TMEM163: variants seen among roughly 807,000 people sequenced by gnomAD.
TMEM163 encodes the protein transmembrane protein 163.
Under a neutral mutation model 29.3 loss-of-function variants are expected in TMEM163, and 17 were observed. The ratio of observed to expected loss-of-function variants is 0.58; its 90% CI spans 0.40 to 0.87. The LOEUF (loss-of-function observed/expected upper bound fraction) is 0.87. TMEM163 is among the 40% of genes least tolerant of loss of function. TMEM163 has a pLI of 0.00. For synonymous variants in TMEM163, 157 were observed against 160.6 expected, an observed-to-expected ratio of 0.98 and a Z score of 0.17; for missense variants, 303 against 381.5, an observed-to-expected ratio of 0.79 and a Z score of 1.71.
rs535291901 is a variant in TMEM163 at position 134,594,513 on chromosome 2, C to T, written c.323-42422G>A. Among the ~76,000 whole-genome samples the T allele has an allele frequency of 1.9e-4, 29 of 152,258 alleles. No homozygotes were observed. In the South Asian group the frequency reaches 6.0e-3, roughly 32 times the overall value. ...ACAGGAGCTAGCTATTTATATGCTG[C>T]CTGTCACTGTGCCCTCTCACACACA... On this transcript the variant is annotated intron_variant, in intron 2 of 7. Coordinates refer to ENST00000281924, the MANE Select transcript of TMEM163 (RefSeq NM_030923.5).
At chr2:134,561,275 C>T (rs1681175128) in intron 2 of TMEM163, among the ~76,000 whole-genome samples, 1 of 152,232 alleles carries the variant, frequency 6.6e-6, no homozygotes, top group Admixed American at 6.5e-5. Flanking sequence ...GCCATCTTGG[C>T]TCACTGCAAG....
rs184818221 is a variant in TMEM163 at position 134,503,355 on chromosome 2, C to T, written c.459-358G>A. On this transcript the variant is annotated intron_variant, in intron 4 of 7. Transcript: ENST00000281924. ...AACGGGAAGGCACATGGTTTAACAG[C>T]AGAATGGAGGCTCTGGCATGAGACA... Among the ~76,000 whole-genome samples, 4 of 152,376 alleles carry T rather than the reference C, an allele frequency of 2.6e-5. No homozygotes were observed. The East Asian group carries it at 7.7e-4, about 29-fold the overall frequency.
intron 5 of TMEM163, among the ~76,000 whole-genome samples, chr2:134,472,738 A>G (rs549463403): frequency 1.3e-5 from 2 of 152,340 alleles, no homozygotes; most frequent in South Asian, 4.1e-4. Context: ...AACATGATCA[A>G]CCAGCTTTGC....
chr2:134,659,041 G>A (rs1225127172), intron 2 of TMEM163, among the ~76,000 whole-genome samples: 1 of 152,194 alleles, frequency 6.6e-6, no homozygotes, highest in Non-Finnish European at 1.5e-5. Context: ...TACTTACACA[G>A]ACCTAGATGG....
At chr2:134,555,272 C>G (rs1194510122) in intron 2 of TMEM163, among the ~76,000 whole-genome samples, 1 of 152,196 alleles carries the variant, frequency 6.6e-6, no homozygotes, top group African/African-American at 2.4e-5. Context: ...ACCCCACCCC[C>G]CAACTTCCAT....
At chr2:134,661,330 C>G (rs1683745650) in intron 2 of TMEM163, among the ~76,000 whole-genome samples, 1 of 152,214 alleles carries the variant, frequency 6.6e-6, no homozygotes, top group Non-Finnish European at 1.5e-5. Flanking sequence ...ATAAGTTACC[C>G]AGTCTCAAGT....
At chr2:134,643,826 C>G (rs989578285) in intron 2 of TMEM163, among the ~76,000 whole-genome samples, 2 of 151,680 alleles carry the variant, frequency 1.3e-5, no homozygotes, top group African/African-American at 4.8e-5. Flanking sequence ...ATAAAACTGT[C>G]CTTATTTGCA....
intron 2 of TMEM163, among the ~76,000 whole-genome samples, chr2:134,675,239 A>T (rs1361463005): frequency 6.6e-6 from 1 of 152,252 alleles, no homozygotes; most frequent in Non-Finnish European, 1.5e-5. Context: ...GAAGGAAAAA[A>T]TACACACCAA....
At chr2:134,552,391 G>GTTCC in intron 2 of TMEM163, among the ~76,000 whole-genome samples, 3 of 152,078 alleles carry the variant, frequency 2.0e-5, no homozygotes, top group Admixed American at 1.3e-4. Flanking sequence ...TGAGAATTTA[G>GTTCC]CAACTGGGAA....
Position 134,552,053 on chromosome 2 carries a change from A to T in TMEM163, c.361T>A (p.Phe121Ile). Residue 121 changes from phenylalanine (F) to isoleucine (I), a missense_variant, in exon 3 of 8, where the codon TTT (phenylalanine) becomes ATT (isoleucine). Physicochemically the swap from Phe to Ile is conservative, Grantham distance 21 (BLOSUM62 0). Coordinates refer to ENST00000281924, the MANE Select transcript of TMEM163 (RefSeq NM_030923.5). ...VMRYSASAFG[F>I]AFDAILDVLS... ...GTACATTTCAGGTTACTTACTGCAA[A>T]CCCAAAAGCAGAGGCGCTGTACCTC... 1 of 1,613,434 alleles carries T rather than the reference A, an allele frequency of 6.2e-7. No individual in the cohort carries two copies. Among genetic ancestry groups the T allele is most frequent in the Non-Finnish European group, 8.5e-7 (1 of 1,179,762 alleles).
intron 2 of TMEM163, among the ~76,000 whole-genome samples, chr2:134,679,828 A>T (rs920080368): frequency 6.6e-6 from 1 of 152,174 alleles, no homozygotes. Flanking sequence ...CAGCTGAATT[A>T]TGGGGAAGTG....
At chr2:134,597,178 C>A (rs1682106623) in intron 2 of TMEM163, among the ~76,000 whole-genome samples, 1 of 152,290 alleles carries the variant, frequency 6.6e-6, no homozygotes, top group African/African-American at 2.4e-5. Context: ...GAGAGGGCAT[C>A]CCTGTCTTGT....
intron 2 of TMEM163, among the ~76,000 whole-genome samples, chr2:134,642,200 C>T (rs550979057): frequency 1.4e-4 from 21 of 151,894 alleles, no homozygotes; most frequent in Non-Finnish European, 2.4e-4. Flanking sequence ...TCTCAGTTCA[C>T]TGTAACCAAC....
At chr2:134,520,711 A>G (rs953756588) in intron 4 of TMEM163, among the ~76,000 whole-genome samples, 6 of 152,176 alleles carry the variant, frequency 3.9e-5, no homozygotes, top group Non-Finnish European at 1.5e-5. Context: ...TGACTTGCCC[A>G]TTACTAACCT....
chr2:134,505,759 G>A (rs573871032), intron 4 of TMEM163, among the ~76,000 whole-genome samples: 4 of 152,270 alleles, frequency 2.6e-5, no homozygotes, highest in East Asian at 1.9e-4. Context: ...CCTCCATCAC[G>A]CACAAAAGGC....
At chr2:134,459,008 G>C (rs1686465680) in intron 6 of TMEM163, 1 of 152,224 alleles carries the variant, frequency 6.6e-6, no homozygotes, top group South Asian at 2.1e-4. Context: ...GGGAAGGGAA[G>C]GGAATGGCTT....
intron 2 of TMEM163, among the ~76,000 whole-genome samples, chr2:134,674,037 T>C (rs566945027): frequency 2.0e-5 from 3 of 152,230 alleles, no homozygotes; most frequent in Non-Finnish European, 4.4e-5. Flanking sequence ...ACTGGTTCCA[T>C]ATATTATGGT....
chr2:134,537,619 C>T (rs958919036), intron 4 of TMEM163, among the ~76,000 whole-genome samples: 3 of 152,218 alleles, frequency 2.0e-5, no homozygotes, highest in African/African-American at 7.2e-5. Flanking sequence ...TCATAATAGA[C>T]ACCCAGACAA....
rs907262623 is a variant in TMEM163, at chr2:134,590,720, A to C, written c.323-38629T>G. ...ATGCTAAACAAGGGGTGAATTATTC[A>C]TGCCTCCCTTTTTTAGACCATATAG... On this transcript the variant is annotated intron_variant, in intron 2 of 7. Transcript: ENST00000281924. Among the ~76,000 whole-genome samples, 3 of 152,282 alleles carry C rather than the reference A, an allele frequency of 2.0e-5. No homozygotes were observed. The South Asian group carries it at 6.2e-4, about 32-fold the overall frequency.
Sources: allele counts gnomAD v4.1 joint callset (sites outside exome capture counted in the v4.1 genomes callset), GRCh38; gene constraint gnomAD v4.1.1; transcripts MANE v1.5; gene names NCBI Gene and HGNC (gene_info 2026-07-23, HGNC 2026-07-21).